Variants in LHX1 observed in about 807,000 individuals in gnomAD.
The protein encoded by LHX1 is LIM homeobox 1, also known as LIM/homeobox protein Lhx1.
A neutral mutation model predicts 34.1 loss-of-function variants in LHX1; 9 were observed. That is an observed-to-expected ratio of 0.26 (90% CI 0.16 to 0.46). The LOEUF (loss-of-function observed/expected upper bound fraction) is 0.46. Among genes scored for constraint, LHX1 ranks in the 20% least tolerant of loss-of-function variants. The pLI is 1.00. For missense variants in LHX1, 446 were observed against 559.1 expected (o/e 0.80, Z 2.04); for synonymous variants, 254 against 241.5 (o/e 1.05, Z -0.48).
chr17:36,942,780 G>C lies in LHX1; in HGVS notation c.870G>C (p.Gly290=). The C allele has an allele frequency of 6.5e-7, 1 of 1,541,386 alleles. No individual in the cohort carries two copies. Among genetic ancestry groups the C allele is most frequent in the Non-Finnish European group, 8.8e-7 (1 of 1,140,572 alleles). Residue 290 remains glycine (G), a synonymous_variant, in exon 5 of 5, where the codon GGG becomes GGC. Coordinates refer to ENST00000614239, the MANE Select transcript of LHX1 (RefSeq NM_005568.5). ...GDYQSEYYGP[G]GNYDFFPQGP... ...ACCAGAGCGAGTACTACGGGCCCGG[G>C]GGCAACTACGACTTCTTCCCGCAAG...
intron 1 of LHX1, chr17:36,938,891 A>C: frequency 4.0e-6 from 1 of 248,950 alleles, no homozygotes; most frequent in Non-Finnish European, 8.0e-6. Flanking sequence ...CTTAAAGCCG[A>C]TCCTGCACGC....
intron 3 of LHX1, chr17:36,941,385 G>C (rs747693366): frequency 1.2e-4 from 40 of 342,678 alleles, no homozygotes; most frequent in Non-Finnish European, 2.1e-4. Context: ...TGGTTCCGCC[G>C]GGAGTCAGCT....
At chr17:36,937,113 A>G, upstream of LHX1, 1 of 371,030 alleles carries the variant, frequency 2.7e-6, no homozygotes, top group Non-Finnish European at 5.4e-6. Context: ...AAGAAGGGGA[A>G]AAGGAAAAGG....
intron 1 of LHX1, 176 bp from the exon 2 acceptor site, chr17:36,940,114 A>C: frequency 1.6e-6 from 1 of 614,790 alleles, no homozygotes. Context: ...CTTAACCGGA[A>C]TTCTGCCTCT....
chr17:36,940,258 C>CCGGGGG, intron 1 of LHX1, 32 bp from the exon 2 acceptor site: 4 of 528,894 alleles, frequency 7.6e-6, no homozygotes, highest in Non-Finnish European at 1.3e-5. Flanking sequence ...GACCCATCCC[C>CCGGGGG]GCCCCCGCCC....
rs770683332 is a variant in LHX1 at position 36,940,444 on chromosome 17, G to A, written c.325G>A (p.Glu109Lys). 1 of 1,614,126 alleles carries A rather than the reference G, an allele frequency of 6.2e-7. No individual in the cohort carries two copies. Among genetic ancestry groups the A allele is most frequent in the Non-Finnish European group, 8.5e-7 (1 of 1,180,048 alleles). The change falls in exon 2 of 5, where the codon GAG becomes AAG. Residue 109 changes from glutamate to lysine, a missense_variant. Around this residue, in one of 3 missense-constraint regions of LHX1, gnomAD observed 168 missense variants for 226.6 expected, o/e 0.74. Transcript: ENST00000614239. ...TGGCGAGGAACTCTACATCATCGAC[G>A]AGAATAAGTTCGTCTGCAAAGAGGA... ...STGEELYIID[E>K]NKFVCKEDYL...
intron 1 of LHX1, 32 bp from the exon 2 acceptor site, chr17:36,940,258 C>CGGGGGGGGGGGGGGGGG: frequency 5.7e-6 from 3 of 528,896 alleles, no homozygotes; most frequent in Admixed American, 3.4e-5. Context: ...GACCCATCCC[C>CGGGGGGGGGGGGGGGGG]GCCCCCGCCC....
chr17:36,942,432 C>T (rs2070771800), intron 4 of LHX1, 67 bp downstream of exon 4: 3 of 1,478,098 alleles, frequency 2.0e-6, no homozygotes, highest in East Asian at 2.5e-5. Flanking sequence ...CGGGTGGCAG[C>T]GCGGGGGGGC....
In LHX1 at chr17:36,938,012, C is replaced by T. The variant is rs921389586; in HGVS notation, c.-186C>T. The T allele has an allele frequency of 1.2e-4, 75 of 635,762 alleles. 3 individuals are homozygous for T. In the South Asian group the frequency reaches 1.4e-3, roughly 12 times the overall value. 39.4% of individuals were successfully genotyped at this position (635,762 alleles called of 1,614,324 possible). ...ACTTCACTGAGACGCCCCCCCAGGC[C>T]CCGATCAGCCTCGTTTCCTCCACCC... On this transcript the variant is annotated 5_prime_UTR_variant, in exon 1 of 5. Transcript: ENST00000614239.
At chr17:36,942,719 C>G (rs761558885) in intron 4 of LHX1, 33 bp from the exon 5 acceptor site, 39 of 1,461,610 alleles carry the variant, frequency 2.7e-5, no homozygotes, top group Admixed American at 5.3e-5. Context: ...CGGCCGGGCC[C>G]TGACGTCCTG....
chr17:36,937,704 C>T lies in LHX1; in HGVS notation c.-494C>T. ...GGCACGCACACAGTCGCCCTCATAC[C>T]CCGACAAAAGCAGATGCACTTTGAC... is the stretch of plus-strand genomic sequence containing the variant. On this transcript the variant is annotated 5_prime_UTR_variant, in exon 1 of 5. Coordinates refer to ENST00000614239, the MANE Select transcript of LHX1 (RefSeq NM_005568.5). The T allele has an allele frequency of 2.3e-6, 1 of 429,914 alleles. No homozygotes were observed. The highest frequency in any genetic ancestry group is 1.6e-5 in the South Asian group (1 of 61,942). The allele number at this position is 429,914 out of a possible 1,614,324, so 26.6% of individuals were successfully genotyped here.
chr17:36,937,042 CAAA>C (rs113265097), upstream of LHX1: 429 of 233,830 alleles, frequency 1.8e-3, no homozygotes, highest in South Asian at 2.7e-3. Flanking sequence ...AAAAGAAAAA[CAAA>C]AAAAAAAAAA....
chr17:36,940,565 G>A, intron 2 of LHX1, 45 bp from the exon 3 acceptor site: 3 of 1,613,714 alleles, frequency 1.9e-6, no homozygotes, highest in East Asian at 2.2e-5. Context: ...TCCTGGGGGA[G>A]GAAGGCTCGC....
chr17:36,938,673 G>T (rs79659540), intron 1 of LHX1: 1 of 516,486 alleles, frequency 1.9e-6, no homozygotes, highest in East Asian at 3.6e-5. Context: ...CTCGGGCGTT[G>T]TAGCCCGGAC....
In LHX1 at chr17:36,942,414, G is replaced by T. The variant is rs769770061; in HGVS notation, c.841+49G>T. On this transcript the variant is annotated intron_variant, in intron 4 of 4. Coordinates refer to ENST00000614239, the MANE Select transcript of LHX1 (RefSeq NM_005568.5). Reference sequence around the variant, plus strand: ...GCGCGGCCAGGTCGGGGCGGGCTTCGTTGGAAGCGGGTGGCAGCGCGGGGG... The same window carrying T: ...GCGCGGCCAGGTCGGGGCGGGCTTCTTTGGAAGCGGGTGGCAGCGCGGGGG... 3.9e-6 allele frequency: 6 copies of T among 1,542,286 alleles called. No individual in the cohort carries two copies. In the African/African-American group the frequency reaches 5.5e-5, roughly 14 times the overall value.
rs1270216158 is a variant in LHX1, at chr17:36,942,637, G to A, written c.842-115G>A. ...GGCCCGCGAGGGCTCCCCGCGATCCGCGAGTTCCCCGCGCGGCCTTCCTCA... is the reference window on the plus strand; with the variant it reads ...GGCCCGCGAGGGCTCCCCGCGATCCACGAGTTCCCCGCGCGGCCTTCCTCA... On this transcript the variant is annotated intron_variant, in intron 4 of 4. Transcript: ENST00000614239. The A allele has an allele frequency of 5.8e-6, 7 of 1,213,350 alleles. No homozygotes were observed. The East Asian group carries it at 1.4e-4, about 24-fold the overall frequency. 75.2% of individuals were successfully genotyped at this position (1,213,350 alleles called of 1,614,324 possible).
Position 36,938,217 on chromosome 17 carries a change from G to C in LHX1, c.20G>C (p.Cys7Ser). Residue 7 changes from cysteine to serine, a missense_variant, in exon 1 of 5, where the codon TGC (cysteine) becomes TCC (serine). Around this residue, in one of 3 missense-constraint regions of LHX1, gnomAD observed 168 missense variants for 226.6 expected, o/e 0.74. Coordinates refer to ENST00000614239, the MANE Select transcript of LHX1 (RefSeq NM_005568.5). MVHCAG[C>S]KRPILDRFLL... ...AAGACCATGGTTCACTGTGCCGGCT[G>C]CAAAAGGCCCATCCTGGACCGCTTT... 1 of 1,613,982 alleles carries C rather than the reference G, an allele frequency of 6.2e-7. No individual in the cohort carries two copies. The highest frequency in any genetic ancestry group is 8.5e-7 in the Non-Finnish European group (1 of 1,180,016).
At chr17:36,942,090 C>A (rs1407578711) in intron 3 of LHX1, 110 bp from the exon 4 acceptor site, 3 of 1,141,872 alleles carry the variant, frequency 2.6e-6, no homozygotes, top group Admixed American at 2.2e-5. Flanking sequence ...CACAAGCGCG[C>A]GCGCGCGGTG....
intron 1 of LHX1, among the ~76,000 whole-genome samples, chr17:36,939,798 C>T (rs1420844442): frequency 6.6e-6 from 1 of 152,042 alleles, no homozygotes; most frequent in African/African-American, 2.4e-5. Context: ...ATCGCCAACC[C>T]CATGCCTATG....
Sources: allele counts gnomAD v4.1 joint callset (sites outside exome capture counted in the v4.1 genomes callset), GRCh38; gene constraint gnomAD v4.1.1; regional missense constraint gnomAD v4.1.1; transcripts MANE v1.5; gene names NCBI Gene and HGNC (gene_info 2026-07-23, HGNC 2026-07-21).